Variants in DGKD observed in about 807,000 individuals in gnomAD.
DGKD encodes the protein diacylglycerol kinase delta, also known as DAG kinase delta.
In DGKD, 68 loss-of-function variants were observed where a neutral mutation model predicts 154.4. That is an observed-to-expected ratio of 0.44 (90% CI 0.36 to 0.54). The LOEUF (loss-of-function observed/expected upper bound fraction) is 0.54. DGKD is among the 20% of genes least tolerant of loss of function. DGKD has a pLI of 0.00. For synonymous variants in DGKD, 693 were observed against 638.0 expected (o/e 1.09, Z -1.30); for missense variants, 1,343 against 1,593.6 (o/e 0.84, Z 2.68).
intron 24 of DGKD, among the ~76,000 whole-genome samples, chr2:233,460,760 CG>C (rs1346462435): frequency 6.6e-6 from 1 of 152,048 alleles, no homozygotes; most frequent in East Asian, 1.9e-4. Context: ...GGTGTGGTGG[CG>C]GGCGCCTGTA....
intron 3 of DGKD, among the ~76,000 whole-genome samples, chr2:233,404,246 T>A (rs993699893): frequency 2.0e-5 from 3 of 151,908 alleles, no homozygotes; most frequent in African/African-American, 7.3e-5. Context: ...TGTAGATGTG[T>A]CATCACTGAT....
At chr2:233,432,521 T>C (rs951478660) in intron 3 of DGKD, among the ~76,000 whole-genome samples, 15 of 152,138 alleles carry the variant, frequency 9.9e-5, no homozygotes, top group Non-Finnish European at 1.6e-4. Context: ...TAGCTGGGTG[T>C]GGTGGCGGGC....
chr2:233,393,476 A>G (rs1703779051), intron 3 of DGKD, among the ~76,000 whole-genome samples: 2 of 150,508 alleles, frequency 1.3e-5, no homozygotes, highest in Admixed American at 6.6e-5. Context: ...AGCTGGGATT[A>G]CAGGTGTGTC....
chr2:233,367,695 T>G (rs1447533236), intron 1 of DGKD, among the ~76,000 whole-genome samples: 1 of 152,168 alleles, frequency 6.6e-6, no homozygotes, highest in African/African-American at 2.4e-5. Flanking sequence ...CACTTCTATA[T>G]TTTGGTTGAC....
Position 233,462,678 on chromosome 2 carries a change from T to G in DGKD, c.3129T>G (p.Asn1043Lys). The G allele has an allele frequency of 2.5e-6, 4 of 1,614,138 alleles. No individual in the cohort carries two copies. The highest frequency in any genetic ancestry group is 3.4e-6 in the Non-Finnish European group (4 of 1,180,024). ...LNCSFVLEMVNNFRALRSETE... is the reference protein window; with the variant it reads ...LNCSFVLEMVKNFRALRSETE... ...GCAGCTTCGTCCTGGAAATGGTGAATAACTTCAGAGCTCTGCGCAGTGAGA... is the reference window on the plus strand; with the variant it reads ...GCAGCTTCGTCCTGGAAATGGTGAAGAACTTCAGAGCTCTGCGCAGTGAGA... Residue 1043 changes from asparagine (N) to lysine (K), a missense_variant, in exon 26 of 30, where the codon AAT becomes AAG. By Grantham distance (94) the Asn-to-Lys change is moderately conservative. Coordinates refer to ENST00000264057, the MANE Select transcript of DGKD (RefSeq NM_152879.3).
chr2:233,397,107 T>G (rs1203391433), intron 3 of DGKD, among the ~76,000 whole-genome samples: 1 of 94,062 alleles, frequency 1.1e-5, no homozygotes, highest in Non-Finnish European at 2.2e-5. Flanking sequence ...GGGAGCAGGG[T>G]GGCTGGCAGA....
intron 11 of DGKD, among the ~76,000 whole-genome samples, chr2:233,446,105 T>A (rs1236863019): frequency 2.0e-5 from 3 of 152,252 alleles, no homozygotes; most frequent in Non-Finnish European, 4.4e-5. Flanking sequence ...GTCGTTTACT[T>A]GAACAGTTTC....
intron 1 of DGKD, among the ~76,000 whole-genome samples, chr2:233,357,947 C>G (rs1701605584): frequency 6.6e-6 from 1 of 152,216 alleles, no homozygotes; most frequent in African/African-American, 2.4e-5. Context: ...CCTCTCCAAA[C>G]TTCAAATAAT....
chr2:233,442,256 A>G, intron 10 of DGKD: 2 of 600,900 alleles, frequency 3.3e-6, no homozygotes, highest in Non-Finnish European at 6.3e-6. Flanking sequence ...ATTGCCCACA[A>G]AGGACCCACA....
chr2:233,424,993 G>A (rs1418062836), intron 3 of DGKD, among the ~76,000 whole-genome samples: 1 of 151,998 alleles, frequency 6.6e-6, no homozygotes, highest in Non-Finnish European at 1.5e-5. Flanking sequence ...TAACCCCCTG[G>A]GCTAATTCTT....
At chr2:233,447,963 T>C (rs994535674) in intron 12 of DGKD, 124 bp from the exon 13 acceptor site, 1 of 1,539,086 alleles carries the variant, frequency 6.5e-7, no homozygotes, top group South Asian at 1.2e-5. Flanking sequence ...AGACAGTGTC[T>C]GTTAGGAGAG....
intron 27 of DGKD, among the ~76,000 whole-genome samples, chr2:233,465,363 G>C (rs1012802670): frequency 1.3e-5 from 2 of 152,158 alleles, no homozygotes; most frequent in Non-Finnish European, 2.9e-5. Flanking sequence ...GGACATGGAC[G>C]GGGGGAGGAA....
chr2:233,452,119 A>T lies in DGKD; in HGVS notation c.2264+59A>T. The T allele has an allele frequency of 6.8e-7, 1 of 1,470,716 alleles. No individual in the cohort carries two copies. The allele number at this position is 1,470,716 out of a possible 1,614,324, so 91.1% of individuals were successfully genotyped here. ...GTTACATGGCTGCTAGTGCATAGAA[A>T]ACAGATCTCAGGATTAACTAGAGAA... is the stretch of plus-strand genomic sequence containing the variant. On this transcript the variant is annotated intron_variant, in intron 18 of 29. Coordinates refer to ENST00000264057, the MANE Select transcript of DGKD (RefSeq NM_152879.3). The surrounding 1 kb of genome is among the most constrained non-coding windows in gnomAD (Gnocchi z 4.0).
At chr2:233,462,008 C>T (rs778553845) in intron 24 of DGKD, among the ~76,000 whole-genome samples, 11 of 152,226 alleles carry the variant, frequency 7.2e-5, no homozygotes, top group Non-Finnish European at 1.5e-4. Context: ...GGGGATTGTG[C>T]CTTACTGCAG....
intron 24 of DGKD, among the ~76,000 whole-genome samples, chr2:233,460,925 C>T (rs1349096513): frequency 1.3e-5 from 2 of 151,976 alleles, no homozygotes. Flanking sequence ...AAAACCCTGC[C>T]CTGGCTCCCG....
intron 1 of DGKD, 113 bp from the exon 2 acceptor site, chr2:233,388,144 A>G: frequency 6.5e-7 from 1 of 1,544,924 alleles, no homozygotes; most frequent in South Asian, 1.3e-5. Context: ...TGTGAGAAAT[A>G]TTTTCTGTTA....
chr2:233,413,181 T>TGAGGCTAG (rs1256806997), intron 3 of DGKD, among the ~76,000 whole-genome samples: 1 of 152,152 alleles, frequency 6.6e-6, no homozygotes, highest in African/African-American at 2.4e-5. Context: ...GTGGATCACT[T>TGAGGCTAG]GAGGCTAGGA....
At chr2:233,420,520 A>G (rs1189582271) in intron 3 of DGKD, among the ~76,000 whole-genome samples, 1 of 152,094 alleles carries the variant, frequency 6.6e-6, no homozygotes, top group Admixed American at 6.5e-5. Flanking sequence ...ATTTGTTTTC[A>G]TGTTTATATA....
rs545107811 is a variant in DGKD at position 233,404,060 on chromosome 2, A to G, written c.348+13577A>G. 3.3e-5 allele frequency among the ~76,000 whole-genome samples: 5 copies of G among 151,876 alleles called. No homozygotes were observed. The East Asian group carries it at 5.8e-4, about 18-fold the overall frequency. Reference sequence around the variant, plus strand: ...TTTGTGTTACAAAATTACATTTTACATGTGTTATATACATGTATAATTTTG... The same window carrying G: ...TTTGTGTTACAAAATTACATTTTACGTGTGTTATATACATGTATAATTTTG... On this transcript the variant is annotated intron_variant, in intron 3 of 29. Transcript: ENST00000264057.
Sources: allele counts gnomAD v4.1 joint callset (sites outside exome capture counted in the v4.1 genomes callset), GRCh38; gene constraint gnomAD v4.1.1; non-coding constraint Gnocchi (gnomAD v3.1); transcripts MANE v1.5; gene names NCBI Gene and HGNC (gene_info 2026-07-23, HGNC 2026-07-21).